ASXL2: variants seen among roughly 807,000 people sequenced by gnomAD.
ASXL2 encodes the protein putative Polycomb group protein ASXL2.
Under a neutral mutation model 122.0 loss-of-function variants are expected in ASXL2, and 23 were observed. The observed-to-expected ratio is 0.19, with a 90% CI of 0.14 to 0.27. The LOEUF (loss-of-function observed/expected upper bound fraction) is 0.27, where lower values mean the gene tolerates loss of function less well. Ranked by LOEUF, ASXL2 falls within the 10% of genes least tolerant of loss-of-function variation. The pLI is 1.00. For missense variants in ASXL2, 1,518 were observed against 1,713.8 expected (o/e 0.89, Z 2.02); for synonymous variants, 650 against 637.0 (o/e 1.02, Z -0.31).
intron 5 of ASXL2, among the ~76,000 whole-genome samples, chr2:25,794,213 TAGAGG>T (rs1191344130): frequency 6.6e-6 from 1 of 152,182 alleles, no homozygotes; most frequent in South Asian, 2.1e-4. Flanking sequence ...TAGTTCACAC[TAGAGG>T]AAACAGTGAT....
rs555766192 is a variant in ASXL2, at chr2:25,739,690, T to G, written c.*2339A>C. On this transcript the variant is annotated 3_prime_UTR_variant, in exon 13 of 13. Coordinates refer to ENST00000435504, the MANE Select transcript of ASXL2 (RefSeq NM_018263.6). ...AATATGGTTTGCTCTCTAAACGGACTTAAAAATCCCTGATACCTTTCCTCC... is the reference window on the plus strand; with the variant it reads ...AATATGGTTTGCTCTCTAAACGGACGTAAAAATCCCTGATACCTTTCCTCC... The G allele has an allele frequency of 2.1e-4, 43 of 204,238 alleles. No homozygotes were observed. The highest frequency in any genetic ancestry group is 4.0e-4 in the Non-Finnish European group (40 of 99,774). The allele number at this position is 204,238 out of a possible 1,614,324, so 12.7% of individuals were successfully genotyped here.
chr2:25,778,406 T>C (rs1171127376), intron 5 of ASXL2, among the ~76,000 whole-genome samples: 5 of 152,196 alleles, frequency 3.3e-5, no homozygotes, highest in Non-Finnish European at 5.9e-5. Flanking sequence ...AAGGAGCAGA[T>C]TCCCCCCAGA....
rs1422174924 is a variant in ASXL2 at position 25,736,674 on chromosome 2, T to C, written c.*5355A>G. 6.6e-6 allele frequency: 1 copy of C among 152,082 alleles called. No homozygotes were observed. The highest frequency in any genetic ancestry group is 2.4e-5 in the African/African-American group (1 of 41,438). 9.4% of individuals were successfully genotyped at this position (152,082 alleles called of 1,614,324 possible). ...AAAAAAAAAAAAGCCAATGTATCCT[T>C]ACATTAACTTCCAAAATATATTTTT... On this transcript the variant is annotated 3_prime_UTR_variant, in exon 13 of 13. Coordinates refer to ENST00000435504, the MANE Select transcript of ASXL2 (RefSeq NM_018263.6).
intron 3 of ASXL2, among the ~76,000 whole-genome samples, chr2:25,811,186 G>A (rs1389211289): frequency 6.6e-6 from 1 of 151,922 alleles, no homozygotes; most frequent in East Asian, 1.9e-4. Context: ...CCAGGAAGTT[G>A]AGGCTGCAGT....
chr2:25,834,694 C>T (rs955698908), intron 3 of ASXL2, among the ~76,000 whole-genome samples: 11 of 152,268 alleles, frequency 7.2e-5, no homozygotes, highest in African/African-American at 2.6e-4. Context: ...GCGTGTAACA[C>T]GGGAACTGCT....
At chr2:25,873,200 C>A (rs1331211682) in intron 1 of ASXL2, among the ~76,000 whole-genome samples, 1 of 152,086 alleles carries the variant, frequency 6.6e-6, no homozygotes, top group Non-Finnish European at 1.5e-5. Flanking sequence ...CATGCCAATG[C>A]TTTCTCACTA....
chr2:25,750,255 T>G lies in ASXL2; in HGVS notation c.1301A>C (p.Glu434Ala), dbSNP rs763460557. The G allele has an allele frequency of 1.4e-5, 22 of 1,613,874 alleles. 1 individual carries two copies. Among genetic ancestry groups the G allele is most frequent in the Admixed American group, 1.2e-4 (7 of 59,992 alleles). Residue 434 changes from glutamate to alanine, a missense_variant, in exon 12 of 13, where the codon GAA becomes GCA. By Grantham distance (107) the Glu-to-Ala change is moderately radical. Transcript: ENST00000435504. Reference sequence around the variant, plus strand: ...GCCTGGTGATGACATTTGCAATGCTTCTTCTTTACACTCTGACTGGGAGAC... The same window carrying G: ...GCCTGGTGATGACATTTGCAATGCTGCTTCTTTACACTCTGACTGGGAGAC... ...PVVSQSECKE[E>A]ALQMSSPGRK...
chr2:25,789,916 G>A (rs534807156), intron 5 of ASXL2, among the ~76,000 whole-genome samples: 78 of 152,268 alleles, frequency 5.1e-4, no homozygotes, highest in African/African-American at 1.8e-3. Flanking sequence ...GACCAGTAGC[G>A]ATTTGGAGAT....
intron 3 of ASXL2, chr2:25,810,663 C>A: frequency 1.3e-6 from 1 of 759,918 alleles, no homozygotes; most frequent in South Asian, 1.4e-5. Flanking sequence ...CCATGGTGCC[C>A]ACCCAGCTAC....
chr2:25,748,647 T>C (rs1022831782), intron 12 of ASXL2, among the ~76,000 whole-genome samples: 2 of 152,216 alleles, frequency 1.3e-5, no homozygotes, highest in East Asian at 1.9e-4. Context: ...TATTTTTCCA[T>C]TTATATCCTA....
intron 1 of ASXL2, among the ~76,000 whole-genome samples, chr2:25,865,102 T>C (rs1230820062): frequency 2.6e-5 from 4 of 151,246 alleles, no homozygotes; most frequent in African/African-American, 9.7e-5. Flanking sequence ...AGATTACAGG[T>C]GTGAGCCACC....
intron 5 of ASXL2, among the ~76,000 whole-genome samples, chr2:25,790,468 T>C (rs753883540): frequency 6.0e-4 from 92 of 152,148 alleles, no homozygotes; most frequent in Non-Finnish European, 9.4e-4. Flanking sequence ...TTATTTTAAC[T>C]ATATCAAGAC....
intron 7 of ASXL2, among the ~76,000 whole-genome samples, chr2:25,768,294 CA>C (rs1399823854): frequency 1.3e-5 from 2 of 152,154 alleles, no homozygotes; most frequent in African/African-American, 2.4e-5. Flanking sequence ...TTCTTATATG[CA>C]AATCCCAGTG....
intron 8 of ASXL2, among the ~76,000 whole-genome samples, chr2:25,763,111 C>T (rs780977726): frequency 1.8e-4 from 28 of 152,068 alleles, no homozygotes; most frequent in Non-Finnish European, 3.1e-4. Context: ...ACAAACCCAC[C>T]ATTTGGATAG....
At chr2:25,858,428 A>T (rs1353612930) in intron 1 of ASXL2, among the ~76,000 whole-genome samples, 1 of 152,042 alleles carries the variant, frequency 6.6e-6, no homozygotes. Flanking sequence ...CAAAAAAAAA[A>T]AAAAATTTTT....
chr2:25,799,840 A>T (rs1002672512), intron 4 of ASXL2, among the ~76,000 whole-genome samples: 2 of 152,154 alleles, frequency 1.3e-5, no homozygotes, highest in Non-Finnish European at 2.9e-5. Context: ...CTTACATTTT[A>T]AAAACTACAT....
In ASXL2 at chr2:25,878,293, G is replaced by A. The variant is rs1422571168; in HGVS notation, c.-71C>T. On this transcript the variant is annotated 5_prime_UTR_variant, in exon 1 of 13. Coordinates refer to ENST00000435504, the MANE Select transcript of ASXL2 (RefSeq NM_018263.6). ...CCGCCCTCCCTGCCTGCTCTGCCCT[G>A]CGCTGCTTTTCCCGCGGTGCCGGGA... 6.5e-7 allele frequency: 1 copy of A among 1,531,126 alleles called. No homozygotes were observed. The allele number at this position is 1,531,126 out of a possible 1,614,324, so 94.8% of individuals were successfully genotyped here.
intron 1 of ASXL2, among the ~76,000 whole-genome samples, chr2:25,849,741 T>C (rs1432978307): frequency 6.6e-6 from 1 of 152,276 alleles, no homozygotes. Context: ...GGTTTTGCCA[T>C]GTTGTCCAGG....
At chr2:25,811,999 C>T (rs573042229) in intron 3 of ASXL2, among the ~76,000 whole-genome samples, 74 of 152,110 alleles carry the variant, frequency 4.9e-4, no homozygotes, top group African/African-American at 1.7e-3. Context: ...GTGATCCACA[C>T]GCATCAGCCT....
Sources: gnomAD v4.1 joint callset for allele counts (sites outside exome capture counted in the v4.1 genomes callset) on GRCh38, gnomAD v4.1.1 for gene constraint, MANE v1.5 for transcripts, NCBI Gene and HGNC (gene_info 2026-07-23, HGNC 2026-07-21) for gene names.